OLFM2: variants seen among roughly 807,000 people sequenced by gnomAD.
OLFM2 encodes olfactomedin 2.
A neutral mutation model predicts 43.9 loss-of-function variants in OLFM2; 20 were observed. That is an observed-to-expected ratio of 0.46 (90% CI 0.32 to 0.66). The LOEUF (loss-of-function observed/expected upper bound fraction) is 0.66. OLFM2 is among the 30% of genes least tolerant of loss of function. The probability of loss-of-function intolerance (pLI) is 0.04; values close to 1 mark genes in which losing one functional copy is unlikely to be tolerated. For synonymous variants in OLFM2, 268 were observed against 278.6 expected, an observed-to-expected ratio of 0.96 and a Z score of 0.38; for missense variants, 416 against 643.6, an observed-to-expected ratio of 0.65 and a Z score of 3.83.
chr19:9,908,603 C>T (rs914238712), intron 1 of OLFM2, among the ~76,000 whole-genome samples: 10 of 151,126 alleles, frequency 6.6e-5, no homozygotes, highest in African/African-American at 1.7e-4. Context: ...CTCAGCTTCC[C>T]GAGTAGCTGG....
chr19:9,936,288 C>T lies in OLFM2; in HGVS notation c.63+16G>A. ...CCGGAGCCACCCGCGCCCGCACCTG[C>T]CCGCCGGGCCCCTACCTGTCCGGCC... On this transcript the variant is annotated intron_variant, in intron 1 of 5. Transcript: ENST00000264833. 2 of 1,528,236 alleles carry T rather than the reference C, an allele frequency of 1.3e-6. No homozygotes were observed. Among genetic ancestry groups the T allele is most frequent in the Admixed American group, 3.9e-5 (2 of 50,748 alleles). 94.7% of individuals were successfully genotyped at this position (1,528,236 alleles called of 1,614,324 possible). A position where few individuals can be genotyped will look rare whatever the true frequency, so the allele number is the denominator to read the frequency against.
chr19:9,932,056 G>C (rs1234049871), intron 1 of OLFM2, among the ~76,000 whole-genome samples: 1 of 152,164 alleles, frequency 6.6e-6, no homozygotes, highest in African/African-American at 2.4e-5. Flanking sequence ...CTCTGCTCTA[G>C]ACACTGGAGA....
intron 1 of OLFM2, among the ~76,000 whole-genome samples, chr19:9,917,249 T>C (rs2086390023): frequency 6.6e-6 from 1 of 152,022 alleles, no homozygotes; most frequent in Non-Finnish European, 1.5e-5. Context: ...TCATAGCTCA[T>C]TGCAGCCTCT....
chr19:9,873,009 C>A (rs2046456019), intron 1 of OLFM2, among the ~76,000 whole-genome samples: 1 of 152,306 alleles, frequency 6.6e-6, no homozygotes, highest in African/African-American at 2.4e-5. Context: ...CTTAGAGCCC[C>A]ATCTCATGGT....
intron 1 of OLFM2, among the ~76,000 whole-genome samples, chr19:9,876,317 G>A (rs2046487472): frequency 6.6e-6 from 1 of 152,176 alleles, no homozygotes; most frequent in Admixed American, 6.6e-5. Flanking sequence ...GGCTGGCTGA[G>A]GCATTTCACA....
chr19:9,880,584 G>C (rs774949640), intron 1 of OLFM2, among the ~76,000 whole-genome samples: 1 of 152,026 alleles, frequency 6.6e-6, no homozygotes, highest in Admixed American at 6.6e-5. Context: ...GCAAGAGAGC[G>C]AGACCCCATC....
At chr19:9,920,693 C>T (rs1046274913) in intron 1 of OLFM2, among the ~76,000 whole-genome samples, 3 of 149,882 alleles carry the variant, frequency 2.0e-5, no homozygotes, top group Non-Finnish European at 4.4e-5. Flanking sequence ...GCCAGGAGTT[C>T]GAGACCACCC....
chr19:9,918,040 G>A (rs976202262), intron 1 of OLFM2, among the ~76,000 whole-genome samples: 2 of 151,724 alleles, frequency 1.3e-5, no homozygotes, highest in African/African-American at 4.8e-5. Context: ...CACCATGCCT[G>A]GGTAATTTTT....
chr19:9,893,836 G>A (rs2144966128), intron 1 of OLFM2, among the ~76,000 whole-genome samples: 1 of 152,258 alleles, frequency 6.6e-6, no homozygotes, highest in Middle Eastern at 3.4e-3. Context: ...GTTTCTTGAT[G>A]AGCTATTACA....
intron 1 of OLFM2, among the ~76,000 whole-genome samples, chr19:9,869,776 C>G (rs2046428920): frequency 6.6e-6 from 1 of 152,156 alleles, no homozygotes; most frequent in Admixed American, 6.6e-5. Flanking sequence ...TGCCACTATG[C>G]CCAGCTAATT....
chr19:9,906,604 A>C (rs1305840637), intron 1 of OLFM2, among the ~76,000 whole-genome samples: 1 of 152,082 alleles, frequency 6.6e-6, no homozygotes, highest in East Asian at 1.9e-4. Flanking sequence ...GGAGATGCGG[A>C]AACTCAAATA....
intron 1 of OLFM2, among the ~76,000 whole-genome samples, chr19:9,916,230 G>A (rs1208624022): frequency 2.0e-5 from 3 of 152,150 alleles, no homozygotes; most frequent in African/African-American, 2.4e-5. Flanking sequence ...GGTGGTGCAC[G>A]CCTGTAATCC....
chr19:9,906,937 C>T (rs2046790103), intron 1 of OLFM2, among the ~76,000 whole-genome samples: 1 of 152,174 alleles, frequency 6.6e-6, no homozygotes, highest in South Asian at 2.1e-4. Flanking sequence ...GCAGCCCAGA[C>T]AGCTGTTCCA....
At chr19:9,897,451 T>C (rs983390586) in intron 1 of OLFM2, among the ~76,000 whole-genome samples, 1 of 151,966 alleles carries the variant, frequency 6.6e-6, no homozygotes, top group Non-Finnish European at 1.5e-5. Flanking sequence ...TGAGCTGGGA[T>C]CGCGCCACTG....
intron 1 of OLFM2, among the ~76,000 whole-genome samples, chr19:9,874,080 A>G (rs1480915519): frequency 6.6e-6 from 1 of 152,128 alleles, no homozygotes; most frequent in Non-Finnish European, 1.5e-5. Context: ...TACACTTGTC[A>G]CAACTAAGAA....
At chr19:9,899,199 A>T (rs1015338888) in intron 1 of OLFM2, among the ~76,000 whole-genome samples, 4 of 151,854 alleles carry the variant, frequency 2.6e-5, no homozygotes, top group African/African-American at 9.7e-5. Context: ...CGGGAGGTGG[A>T]GGCTGCAGCG....
At chr19:9,862,013 C>T (rs531515260) in intron 1 of OLFM2, among the ~76,000 whole-genome samples, 1 of 116,618 alleles carries the variant, frequency 8.6e-6, no homozygotes, top group South Asian at 2.9e-4. Context: ...GAGCAAGACT[C>T]CGTCTCAAAG....
Position 9,913,772 on chromosome 19 carries a change from A to AG in OLFM2, c.63+22531dup, listed in dbSNP as rs1239701593. On this transcript the variant is annotated intron_variant, in intron 1 of 5. Transcript: ENST00000264833. ...GGGGCAGGGGGTCCGGGACGGGGTGAGGGGGGGCTCGGGGACGCGGGCTGC... is the reference window on the plus strand; with the variant it reads ...GGGGCAGGGGGTCCGGGACGGGGTGAGGGGGGGGCTCGGGGACGCGGGCTGC... The AG allele has an allele frequency of 6.7e-3, 3,268 of 489,528 alleles. 108 individuals are homozygous for AG. The highest frequency in any genetic ancestry group is 0.066 in the African/African-American group (2,979 of 45,234). The allele number at this position is 489,528 out of a possible 1,614,324, so 30.3% of individuals were successfully genotyped here. A position where few individuals can be genotyped will look rare whatever the true frequency, so the allele number is the denominator to read the frequency against.
At chr19:9,898,698 T>C (rs2046706897) in intron 1 of OLFM2, among the ~76,000 whole-genome samples, 1 of 152,066 alleles carries the variant, frequency 6.6e-6, no homozygotes, top group Admixed American at 6.6e-5. Flanking sequence ...CCCTGGGCCT[T>C]ATAAGTCTCT....
Sources: allele counts gnomAD v4.1 joint callset (sites outside exome capture counted in the v4.1 genomes callset), GRCh38; gene constraint gnomAD v4.1.1; transcripts MANE v1.5; gene names NCBI Gene and HGNC (gene_info 2026-07-23, HGNC 2026-07-21).